The following COL25A1 variants were observed in gnomAD, a reference collection of about 807,000 sequenced individuals.
COL25A1 encodes the protein collagen alpha-1(XXV) chain.
In COL25A1, 103 loss-of-function variants were observed where a neutral mutation model predicts 128.4. That is an observed-to-expected ratio of 0.80 (90% CI 0.68 to 0.94). The LOEUF is 0.94. Among genes scored for constraint, COL25A1 ranks in the 40% least tolerant of loss-of-function variants. COL25A1 has a pLI of 0.00. For missense variants in COL25A1, 745 were observed against 840.0 expected, an observed-to-expected ratio of 0.89 and a Z score of 1.40; for synonymous variants, 279 against 277.2, an observed-to-expected ratio of 1.01 and a Z score of -0.06.
At chr4:109,156,338 C>T (rs879810437) in intron 3 of COL25A1, among the ~76,000 whole-genome samples, 2 of 152,154 alleles carry the variant, frequency 1.3e-5, no homozygotes, top group Admixed American at 1.3e-4. Context: ...TACCGAAAGC[C>T]GGCTTGATTT....
intron 3 of COL25A1, among the ~76,000 whole-genome samples, chr4:109,219,101 T>C (rs1205925312): frequency 1.3e-5 from 2 of 152,082 alleles, no homozygotes; most frequent in Non-Finnish European, 2.9e-5. Flanking sequence ...CCTGGGAAGG[T>C]TGTCTATGAT....
At chr4:108,822,005 ATTTC>A (rs1488976201) in intron 35 of COL25A1, among the ~76,000 whole-genome samples, 2 of 146,508 alleles carry the variant, frequency 1.4e-5, no homozygotes, top group Non-Finnish European at 3.0e-5. Context: ...AATGCTGGTA[ATTTC>A]TTTCTCATAA....
chr4:108,869,210 A>G (rs1437935731), intron 19 of COL25A1, 60 bp from the exon 20 acceptor site: 8 of 783,258 alleles, frequency 1.0e-5, no homozygotes, highest in Non-Finnish European at 1.5e-5. Context: ...ATAAATAAAT[A>G]AATAAATAAA....
At chr4:109,087,546 T>C (rs1293502403) in intron 3 of COL25A1, among the ~76,000 whole-genome samples, 2 of 152,318 alleles carry the variant, frequency 1.3e-5, no homozygotes, top group African/African-American at 4.8e-5. Context: ...AAGAAATATA[T>C]TGATGACCCT....
intron 3 of COL25A1, among the ~76,000 whole-genome samples, chr4:109,286,911 G>T (rs541446672): frequency 6.6e-6 from 1 of 152,172 alleles, no homozygotes; most frequent in East Asian, 1.9e-4. Flanking sequence ...GGCCAGCAAG[G>T]CTCCAATAAC....
At chr4:109,007,933 A>G (rs1300084875) in intron 6 of COL25A1, among the ~76,000 whole-genome samples, 1 of 152,212 alleles carries the variant, frequency 6.6e-6, no homozygotes, top group African/African-American at 2.4e-5. Flanking sequence ...TGTATACTCA[A>G]GATTTACTAT....
At chr4:108,862,878 G>A (rs1284642818) in intron 21 of COL25A1, among the ~76,000 whole-genome samples, 3 of 152,134 alleles carry the variant, frequency 2.0e-5, no homozygotes, top group Non-Finnish European at 4.4e-5. Context: ...GTGTCTCTAG[G>A]ATGGGCTATT....
intron 3 of COL25A1, among the ~76,000 whole-genome samples, chr4:109,131,121 C>G (rs550724893): frequency 6.6e-6 from 1 of 152,162 alleles, no homozygotes; most frequent in Non-Finnish European, 1.5e-5. Flanking sequence ...TGACAAAGAA[C>G]TCTAAAGAGA....
Position 108,841,699 on chromosome 4 carries a change from G to C in COL25A1, c.1652C>G (p.Pro551Arg). The C allele has an allele frequency of 6.2e-7, 1 of 1,611,344 alleles. No individual in the cohort carries two copies. The highest frequency in any genetic ancestry group is 1.1e-5 in the South Asian group (1 of 90,922). Residue 551 changes from proline to arginine, a missense_variant, in exon 31 of 38, where the codon CCA (proline) becomes CGA (arginine). Physicochemically the swap from Pro to Arg is moderately radical, Grantham distance 103. Coordinates refer to ENST00000399132, the MANE Select transcript of COL25A1 (RefSeq NM_198721.4). ...TCAAGGGATTTGTTGGATTACCTTT[G>C]GTCCAGGAAGTCCATGAGGTCCCTG... ...GPMGPHGLPG[P>R]KGTDGPMGPH... is the part of the protein sequence containing the mutation.
intron 3 of COL25A1, among the ~76,000 whole-genome samples, chr4:109,270,862 C>T (rs918183397): frequency 6.6e-6 from 1 of 152,148 alleles, no homozygotes; most frequent in African/African-American, 2.4e-5. Context: ...TAATATCTTG[C>T]CAGCATAATT....
At chr4:109,177,311 G>C (rs1191889149) in intron 3 of COL25A1, among the ~76,000 whole-genome samples, 1 of 152,126 alleles carries the variant, frequency 6.6e-6, no homozygotes, top group Non-Finnish European at 1.5e-5. Context: ...TAAGCTGAGA[G>C]TTAAAACGTA....
chr4:108,868,036 G>A (rs1738153106), intron 20 of COL25A1, among the ~76,000 whole-genome samples: 3 of 152,110 alleles, frequency 2.0e-5, no homozygotes, highest in African/African-American at 4.8e-5. Flanking sequence ...AGGCACTTAG[G>A]AATCTATATG....
At chr4:109,014,152 C>A (rs1270747095) in intron 5 of COL25A1, among the ~76,000 whole-genome samples, 1 of 151,960 alleles carries the variant, frequency 6.6e-6, no homozygotes, top group African/African-American at 2.4e-5. Context: ...ACTAAAAATA[C>A]AAAAATTAGC....
intron 3 of COL25A1, among the ~76,000 whole-genome samples, chr4:109,096,335 G>A (rs1289594789): frequency 6.6e-6 from 1 of 152,258 alleles, no homozygotes; most frequent in African/African-American, 2.4e-5. Flanking sequence ...TGATTATAAT[G>A]GAGCTGAAAA....
chr4:108,958,978 C>T (rs1750373793), intron 8 of COL25A1, among the ~76,000 whole-genome samples: 1 of 151,780 alleles, frequency 6.6e-6, no homozygotes, highest in South Asian at 2.1e-4. Context: ...GCCTTTTTTT[C>T]TAGAAAGTAA....
intron 13 of COL25A1, 113 bp from the exon 14 acceptor site, chr4:108,901,285 GT>G (rs1471257429): frequency 1.3e-5 from 10 of 746,838 alleles, no homozygotes; most frequent in Non-Finnish European, 2.0e-5. Flanking sequence ...TAAAGAATAA[GT>G]GACTATTAGT....
intron 19 of COL25A1, among the ~76,000 whole-genome samples, chr4:108,880,466 CAT>C (rs1211515313): frequency 6.6e-6 from 1 of 152,174 alleles, no homozygotes; most frequent in Non-Finnish European, 1.5e-5. Context: ...GTTAAAATTA[CAT>C]GAGGAAAAAT....
chr4:109,100,531 T>C (rs931693609), intron 3 of COL25A1, among the ~76,000 whole-genome samples: 12 of 152,226 alleles, frequency 7.9e-5, no homozygotes, highest in East Asian at 5.8e-4. Flanking sequence ...CTGTGGGTGA[T>C]TGAAATAAGG....
chr4:109,001,421 G>GGATCTGAGATC (rs1755396062), intron 6 of COL25A1, among the ~76,000 whole-genome samples: 1 of 152,254 alleles, frequency 6.6e-6, no homozygotes, highest in Non-Finnish European at 1.5e-5. Context: ...TGTCAGGTAG[G>GGATCTGAGATC]CAGTGAGCTA....
Sources: allele counts gnomAD v4.1 joint callset (sites outside exome capture counted in the v4.1 genomes callset), GRCh38; gene constraint gnomAD v4.1.1; transcripts MANE v1.5; gene names NCBI Gene and HGNC (gene_info 2026-07-23, HGNC 2026-07-21).